PTPN14: variants seen among roughly 807,000 people sequenced by gnomAD.
PTPN14 encodes tyrosine-protein phosphatase non-receptor type 14.
In PTPN14, 53 loss-of-function variants were observed where a neutral mutation model predicts 126.8. The observed-to-expected ratio is 0.42, with a 90% CI of 0.34 to 0.53. The LOEUF (loss-of-function observed/expected upper bound fraction) is 0.53, where lower values mean the gene tolerates loss of function less well. Among genes scored for constraint, PTPN14 ranks in the 20% least tolerant of loss-of-function variants. The pLI is 0.08. For missense variants in PTPN14, 1,257 were observed against 1,552.9 expected (o/e 0.81, Z 3.20); for synonymous variants, 630 against 599.3 (o/e 1.05, Z -0.75).
In PTPN14 at chr1:214,461,633, TGGA is replaced by T. The variant is rs767277726; in HGVS notation, c.174+2994_174+2996del. ...CAATAGAGCAAGATCCTGTCTCAAC[TGGA>T]AAAAAAAAAAAAGATTAAATATATT... On this transcript the variant is annotated intron_variant, in intron 2 of 18. Coordinates refer to ENST00000366956, the MANE Select transcript of PTPN14 (RefSeq NM_005401.5). 1.0e-3 allele frequency among the ~76,000 whole-genome samples: 156 copies of T among 150,004 alleles called. 1 individual carries two copies. The highest frequency in any genetic ancestry group is 3.2e-3 in the African/African-American group (131 of 40,954).
At chr1:214,370,207 G>A (rs1229490979) in intron 16 of PTPN14, among the ~76,000 whole-genome samples, 2 of 151,498 alleles carry the variant, frequency 1.3e-5, no homozygotes, top group African/African-American at 4.8e-5. Context: ...ATAAACCCGG[G>A]AGGCGGAGCT....
At chr1:214,499,401 G>A (rs913957041) in intron 1 of PTPN14, among the ~76,000 whole-genome samples, 1 of 151,854 alleles carries the variant, frequency 6.6e-6, no homozygotes, top group Non-Finnish European at 1.5e-5. Context: ...ATATATGCTG[G>A]TATACATACA....
intron 1 of PTPN14, among the ~76,000 whole-genome samples, chr1:214,508,642 G>A (rs1469370315): frequency 6.6e-6 from 1 of 152,134 alleles, no homozygotes; most frequent in Non-Finnish European, 1.5e-5. Context: ...TGGGAATGTT[G>A]TTAATGGCAC....
At chr1:214,432,099 T>TCCTA (rs1659809790) in intron 3 of PTPN14, among the ~76,000 whole-genome samples, 1 of 151,900 alleles carries the variant, frequency 6.6e-6, no homozygotes, top group Non-Finnish European at 1.5e-5. Context: ...TAGGAGGATC[T>TCCTA]CCTGGGCCAG....
In PTPN14 at chr1:214,500,459, C is replaced by T. The variant is rs138682332; in HGVS notation, c.-154-35502G>A. 8.2e-3 allele frequency among the ~76,000 whole-genome samples: 1,249 copies of T among 152,304 alleles called. 15 individuals are homozygous for T. Among genetic ancestry groups the T allele is most frequent in the Middle Eastern group, 0.017 (5 of 294 alleles). On this transcript the variant is annotated intron_variant, in intron 1 of 18. Transcript: ENST00000366956. ...AGAGGCTTCTTATAATCAGATCCATCTTTCCGGCAACAAAGAAAGCCACCA... is the reference window on the plus strand; with the variant it reads ...AGAGGCTTCTTATAATCAGATCCATTTTTCCGGCAACAAAGAAAGCCACCA...
intron 1 of PTPN14, among the ~76,000 whole-genome samples, chr1:214,519,385 C>G (rs1465602746): frequency 1.3e-5 from 2 of 152,156 alleles, no homozygotes; most frequent in African/African-American, 4.8e-5. Context: ...TGTTCCCCCA[C>G]CCCCATCTCC....
intron 1 of PTPN14, among the ~76,000 whole-genome samples, chr1:214,516,225 T>A (rs564247059): frequency 7.2e-5 from 11 of 152,230 alleles, no homozygotes; most frequent in Non-Finnish European, 1.6e-4. Context: ...CCCTTCCTTT[T>A]TTCACAGTTG....
chr1:214,387,216 T>C (rs563688162), intron 11 of PTPN14, among the ~76,000 whole-genome samples: 12 of 152,374 alleles, frequency 7.9e-5, no homozygotes, highest in Non-Finnish European at 1.5e-4. Context: ...TGTTCTAATA[T>C]ATTTGCAAAG....
At chr1:214,443,485 T>C (rs1280675512) in intron 3 of PTPN14, among the ~76,000 whole-genome samples, 1 of 152,138 alleles carries the variant, frequency 6.6e-6, no homozygotes, top group East Asian at 1.9e-4. Context: ...AAATTTACTT[T>C]TTCTCTTTGA....
At chr1:214,382,053 C>T (rs1166726705) in intron 13 of PTPN14, among the ~76,000 whole-genome samples, 1 of 152,046 alleles carries the variant, frequency 6.6e-6, no homozygotes, top group Non-Finnish European at 1.5e-5. Flanking sequence ...CAGGTGCACG[C>T]CACCACACAC....
At chr1:214,523,894 G>T (rs1312114606) in intron 1 of PTPN14, among the ~76,000 whole-genome samples, 1 of 146,442 alleles carries the variant, frequency 6.8e-6, no homozygotes, top group Admixed American at 6.9e-5. Flanking sequence ...CTGTCACCCA[G>T]GCTGGAGTGC....
In PTPN14 at chr1:214,401,650, G is replaced by A. The variant is rs117017157; in HGVS notation, c.669+35C>T. On this transcript the variant is annotated intron_variant, in intron 7 of 18. Transcript: ENST00000366956. ...TTTCCAAATGCCAGTACCGGTCTGAGAAGGTTAAAGCCAGCACAGGGCACA... is the reference window on the plus strand; with the variant it reads ...TTTCCAAATGCCAGTACCGGTCTGAAAAGGTTAAAGCCAGCACAGGGCACA... The A allele has an allele frequency of 2.8e-4, 414 of 1,476,682 alleles. 7 individuals carry two copies. The East Asian group carries it at 8.5e-3, about 30-fold the overall frequency. The allele number at this position is 1,476,682 out of a possible 1,614,324, so 91.5% of individuals were successfully genotyped here. A position where few individuals can be genotyped will look rare whatever the true frequency, so the allele number is the denominator to read the frequency against.
chr1:214,358,568 G>A (rs1657880159), intron 18 of PTPN14, among the ~76,000 whole-genome samples: 1 of 152,196 alleles, frequency 6.6e-6, no homozygotes, highest in East Asian at 1.9e-4. Flanking sequence ...TTCCTCATCT[G>A]TAAAATCAGG....
At chr1:214,541,137 G>T (rs1435513588) in intron 1 of PTPN14, among the ~76,000 whole-genome samples, 1 of 151,862 alleles carries the variant, frequency 6.6e-6, no homozygotes, top group Non-Finnish European at 1.5e-5. Context: ...TATTATTAGG[G>T]ATATTATTAT....
intron 18 of PTPN14, among the ~76,000 whole-genome samples, chr1:214,361,398 A>T (rs917907488): frequency 1.3e-5 from 2 of 152,152 alleles, no homozygotes; most frequent in Non-Finnish European, 2.9e-5. Context: ...AGCCTAAATG[A>T]CAGTATATTG....
At chr1:214,512,819 T>A (rs928548315) in intron 1 of PTPN14, among the ~76,000 whole-genome samples, 1 of 152,112 alleles carries the variant, frequency 6.6e-6, no homozygotes, top group Non-Finnish European at 1.5e-5. Flanking sequence ...ACCTCTCAAG[T>A]AGCTGGGACC....
At chr1:214,406,530 T>A (rs1402041687) in intron 5 of PTPN14, among the ~76,000 whole-genome samples, 1 of 152,142 alleles carries the variant, frequency 6.6e-6, no homozygotes, top group Middle Eastern at 3.2e-3. Flanking sequence ...CAACTAAATT[T>A]TTAATTTTAT....
chr1:214,519,724 C>A (rs1002750011), intron 1 of PTPN14, among the ~76,000 whole-genome samples: 3 of 151,982 alleles, frequency 2.0e-5, no homozygotes, highest in Non-Finnish European at 2.9e-5. Flanking sequence ...AGAGTTTTAA[C>A]CCTCCCGCCC....
chr1:214,540,959 T>C (rs1299131878), intron 1 of PTPN14, among the ~76,000 whole-genome samples: 2 of 152,188 alleles, frequency 1.3e-5, no homozygotes, highest in Admixed American at 6.5e-5. Context: ...ACATTTCTCT[T>C]ACATCTATTA....
Sources: allele counts gnomAD v4.1 joint callset (sites outside exome capture counted in the v4.1 genomes callset), GRCh38; gene constraint gnomAD v4.1.1; transcripts MANE v1.5; gene names NCBI Gene and HGNC (gene_info 2026-07-23, HGNC 2026-07-21).